The following ARFGEF3 variants were observed in gnomAD, a reference collection of about 807,000 sequenced individuals.
ARFGEF3 encodes ARFGEF family member 3, also known as brefeldin A-inhibited guanine nucleotide-exchange protein 3.
In ARFGEF3, 96 loss-of-function variants were observed where a neutral mutation model predicts 221.7. The ratio of observed to expected loss-of-function variants is 0.43; its 90% CI spans 0.37 to 0.51. The LOEUF is 0.51. Among genes scored for constraint, ARFGEF3 ranks in the 20% least tolerant of loss-of-function variants. ARFGEF3 has a pLI of 0.00. For synonymous variants in ARFGEF3, 1,145 were observed against 1,126.8 expected, an observed-to-expected ratio of 1.02 and a Z score of -0.32; for missense variants, 2,410 against 2,789.9, an observed-to-expected ratio of 0.86 and a Z score of 3.07.
rs6912938 is a variant in ARFGEF3 at position 138,170,188 on chromosome 6, A to G, written c.86-474A>G. The stretch of plus-strand genomic sequence containing the variant: ...TATCCTAACTATACTGTAATTTTTT[A>G]AAAAAAGTTTAATCTACTGTGTCAC... On this transcript the variant is annotated intron_variant, in intron 1 of 33. Transcript: ENST00000251691. Among the ~76,000 whole-genome samples, 5 of 152,214 alleles carry G rather than the reference A, an allele frequency of 3.3e-5. No homozygotes were observed. The East Asian group carries it at 9.6e-4, about 29-fold the overall frequency.
chr6:138,218,946 C>CT (rs35721496), intron 4 of ARFGEF3, among the ~76,000 whole-genome samples: 2 of 151,828 alleles, frequency 1.3e-5, no homozygotes, highest in Non-Finnish European at 1.5e-5. Context: ...TTTTTTAGAC[C>CT]TTTTTTTATT....
chr6:138,241,637 C>T (rs979104714), intron 6 of ARFGEF3, among the ~76,000 whole-genome samples: 5 of 152,206 alleles, frequency 3.3e-5, no homozygotes, highest in African/African-American at 1.2e-4. Context: ...AGATACTTGC[C>T]TCAGTCACTC....
At chr6:138,296,496 A>T (rs1334700771) in intron 20 of ARFGEF3, among the ~76,000 whole-genome samples, 1 of 152,146 alleles carries the variant, frequency 6.6e-6, no homozygotes, top group African/African-American at 2.4e-5. Context: ...TGGTGCCAGG[A>T]TTCGAATCCA....
chr6:138,213,332 C>G, intron 4 of ARFGEF3, among the ~76,000 whole-genome samples: 1 of 151,296 alleles, frequency 6.6e-6, no homozygotes, highest in Non-Finnish European at 1.5e-5. Context: ...GTGGTGTGAG[C>G]CTGTAGTGCC....
rs113870238 is a variant in ARFGEF3 at position 138,333,882 on chromosome 6, G to A, written c.5124-88G>A. On this transcript the variant is annotated intron_variant, in intron 32 of 33. Coordinates refer to ENST00000251691, the MANE Select transcript of ARFGEF3 (RefSeq NM_020340.5). ...TTTAGTTTGTAAATTTGCATAGATC[G>A]TTCTGAAACGGGTAACGTCTATATT... is the stretch of plus-strand genomic sequence containing the variant. The A allele has an allele frequency of 2.7e-4, 389 of 1,421,098 alleles. 1 individual carries two copies. The African/African-American group carries it at 3.8e-3, about 14-fold the overall frequency. 88.0% of individuals were successfully genotyped at this position (1,421,098 alleles called of 1,614,324 possible).
intron 4 of ARFGEF3, among the ~76,000 whole-genome samples, chr6:138,224,686 G>A (rs1778047302): frequency 6.6e-6 from 1 of 152,178 alleles, no homozygotes; most frequent in African/African-American, 2.4e-5. Flanking sequence ...TGTAAACATG[G>A]CAGGCATCAC....
At chr6:138,336,051 T>C (rs949533518) in intron 33 of ARFGEF3, among the ~76,000 whole-genome samples, 2 of 152,134 alleles carry the variant, frequency 1.3e-5, no homozygotes, top group Admixed American at 6.5e-5. Flanking sequence ...AGTAAGAGTT[T>C]AGTAGTTTGT....
chr6:138,318,469 G>T (rs948893413), intron 27 of ARFGEF3, among the ~76,000 whole-genome samples: 10 of 152,144 alleles, frequency 6.6e-5, no homozygotes, highest in African/African-American at 2.4e-4. Context: ...TGTGGTAAAA[G>T]CATGTAAATA....
chr6:138,176,005 T>C (rs1776938395), intron 2 of ARFGEF3, among the ~76,000 whole-genome samples: 1 of 152,142 alleles, frequency 6.6e-6, no homozygotes, highest in Non-Finnish European at 1.5e-5. Flanking sequence ...ATGACCTTCT[T>C]TGTCTTTATT....
At chr6:138,194,475 C>T (rs1777371156) in intron 2 of ARFGEF3, among the ~76,000 whole-genome samples, 1 of 152,096 alleles carries the variant, frequency 6.6e-6, no homozygotes, top group Non-Finnish European at 1.5e-5. Context: ...TGAAAAAAAT[C>T]ATTAAGTAAC....
At chr6:138,229,982 G>C (rs72986861) in intron 5 of ARFGEF3, 130 bp downstream of exon 5, 1 of 764,618 alleles carries the variant, frequency 1.3e-6, no homozygotes, top group African/African-American at 1.7e-5. Context: ...GGGAATTTCC[G>C]CTAAGGAATT....
Position 138,328,050 on chromosome 6 carries a change from A to G in ARFGEF3, c.5031A>G (p.Pro1677=), listed in dbSNP as rs764199932. The G allele has an allele frequency of 3.2e-6, 5 of 1,555,682 alleles. No homozygotes were observed. In the South Asian group the frequency reaches 3.6e-5, roughly 11 times the overall value. The change falls in exon 32 of 34, where the codon CCA becomes CCG. Residue 1677 remains proline, a synonymous_variant. Transcript: ENST00000251691. ...QVFMLDTQCS[P]KTPNNFDHAQ... ...TTATGCTGGACACCCAGTGCTCACCAAAGACACCAAACAACTTTGACCACG... is the reference window on the plus strand; with the variant it reads ...TTATGCTGGACACCCAGTGCTCACCGAAGACACCAAACAACTTTGACCACG...
chr6:138,264,680 T>C (rs1778854665), intron 12 of ARFGEF3, among the ~76,000 whole-genome samples: 1 of 152,210 alleles, frequency 6.6e-6, no homozygotes, highest in Non-Finnish European at 1.5e-5. Context: ...CTCCCTGCTC[T>C]TTGAGGGCTG....
At chr6:138,274,488 T>G (rs1203910115) in intron 12 of ARFGEF3, among the ~76,000 whole-genome samples, 1 of 152,196 alleles carries the variant, frequency 6.6e-6, no homozygotes, top group Non-Finnish European at 1.5e-5. Flanking sequence ...ACTTGCAGTC[T>G]GATCTTCCTT....
At chr6:138,210,981 A>C (rs1777717217) in intron 4 of ARFGEF3, among the ~76,000 whole-genome samples, 1 of 152,190 alleles carries the variant, frequency 6.6e-6, no homozygotes, top group Non-Finnish European at 1.5e-5. Context: ...GGTGATGATT[A>C]AGAGCTCAAA....
chr6:138,308,664 G>A, intron 23 of ARFGEF3, 75 bp from the exon 24 acceptor site: 11 of 1,513,346 alleles, frequency 7.3e-6, no homozygotes, highest in Non-Finnish European at 1.0e-5. Flanking sequence ...GGAACGTGCT[G>A]GGAATATGGG....
chr6:138,295,627 C>CAAAAAAA (rs34138067), intron 20 of ARFGEF3, among the ~76,000 whole-genome samples: 9,260 of 125,288 alleles, frequency 0.074, 496 homozygotes, highest in South Asian at 0.22. Flanking sequence ...GAGACTCCCT[C>CAAAAAAA]AAAAAAAAAA....
chr6:138,294,018 T>C lies in ARFGEF3; in HGVS notation c.3394T>C (p.Leu1132=), dbSNP rs769944025. ...DRLFEDATDK[L]NLMALGGFLY... ...GCTCTTTGAAGATGCTACGGATAAG[T>C]TGAACCTCATGGCCTTGGGAGGTTT... Residue 1132 remains leucine, a synonymous_variant, in exon 20 of 34, where the codon TTG becomes CTG. Transcript: ENST00000251691. The C allele has an allele frequency of 1.1e-5, 17 of 1,613,968 alleles. No homozygotes were observed. Among genetic ancestry groups the C allele is most frequent in the East Asian group, 2.2e-5 (1 of 44,892 alleles).
At position 138,162,232 on chromosome 6, in the gene ARFGEF3, G is replaced by A. The variant is rs1776630080; in HGVS notation, c.85+61G>A. 3 of 1,295,770 alleles carry A rather than the reference G, an allele frequency of 2.3e-6. No individual in the cohort carries two copies. Among genetic ancestry groups the A allele is most frequent in the Non-Finnish European group, 3.2e-6 (3 of 932,118 alleles). The allele number at this position is 1,295,770 out of a possible 1,614,324, so 80.3% of individuals were successfully genotyped here. ...GCCGCGCGGCCGGGGCTGAACCCGC[G>A]CCTCCGCGCGTGGGGCTTTCGCGGA... is the stretch of plus-strand genomic sequence containing the variant. On this transcript the variant is annotated intron_variant, in intron 1 of 33. Transcript: ENST00000251691. This position sits in a 1 kb window ranked among gnomAD's most constrained non-coding sequence, Gnocchi z 4.7.
Sources: allele counts gnomAD v4.1 joint callset (sites outside exome capture counted in the v4.1 genomes callset), GRCh38; gene constraint gnomAD v4.1.1; non-coding constraint Gnocchi (gnomAD v3.1); transcripts MANE v1.5; gene names NCBI Gene and HGNC (gene_info 2026-07-23, HGNC 2026-07-21).